Variants in TNFRSF19 observed in about 807,000 individuals in gnomAD.
TNFRSF19 encodes the protein tumor necrosis factor receptor superfamily member 19.
Under a neutral mutation model 46.4 loss-of-function variants are expected in TNFRSF19, and 27 were observed. The observed-to-expected ratio is 0.58, with a 90% confidence interval of 0.43 to 0.80. TNFRSF19 has a LOEUF of 0.80. TNFRSF19 is among the 30% of genes least tolerant of loss of function. The pLI is 0.00. For synonymous variants in TNFRSF19, 204 were observed against 205.0 expected (o/e 1.00, Z 0.04); for missense variants, 511 against 530.8 (o/e 0.96, Z 0.37).
At chr13:23,580,801 G>C (rs1447132277) in intron 1 of TNFRSF19, among the ~76,000 whole-genome samples, 1 of 152,186 alleles carries the variant, frequency 6.6e-6, no homozygotes. Flanking sequence ...ATTTTCATTT[G>C]CACAATATAG....
chr13:23,609,789 TG>T (rs1880772679), intron 3 of TNFRSF19, among the ~76,000 whole-genome samples: 1 of 152,220 alleles, frequency 6.6e-6, no homozygotes, highest in African/African-American at 2.4e-5. Flanking sequence ...AAAATTAATT[TG>T]TAAGCATAAA....
intron 5 of TNFRSF19, among the ~76,000 whole-genome samples, chr13:23,639,865 T>G (rs1466793528): frequency 6.6e-6 from 1 of 152,252 alleles, no homozygotes; most frequent in East Asian, 1.9e-4. Context: ...AATTGTTCTT[T>G]ATTTTTCTAG....
chr13:23,604,852 T>C (rs1243258358), intron 3 of TNFRSF19, among the ~76,000 whole-genome samples: 2 of 152,142 alleles, frequency 1.3e-5, no homozygotes, highest in African/African-American at 2.4e-5. Context: ...GACCTAACTG[T>C]AAAATGCAAA....
At position 23,616,043 on chromosome 13, in the gene TNFRSF19, A is replaced by G. The variant is rs899792732; in HGVS notation, c.357A>G (p.Pro119=). Residue 119 remains proline (P), a splice_region_variant and synonymous_variant, in exon 4 of 10, where the codon CCA becomes CCG. Transcript: ENST00000248484. ...TSDAICGDCL[P]GFYRKTKLVG... is the part of the protein sequence containing the mutation. Reference sequence around the variant, plus strand: ...ATGCCATCTGCGGGGACTGCTTGCCAGGGTGAGTTGGCCAGTTTCTTTCAC... The same window carrying G: ...ATGCCATCTGCGGGGACTGCTTGCCGGGGTGAGTTGGCCAGTTTCTTTCAC... 3.1e-6 allele frequency: 5 copies of G among 1,588,672 alleles called. No homozygotes were observed. Among genetic ancestry groups the G allele is most frequent in the Non-Finnish European group, 3.4e-6 (4 of 1,164,584 alleles).
intron 3 of TNFRSF19, among the ~76,000 whole-genome samples, chr13:23,606,646 A>G (rs992859057): frequency 6.6e-6 from 1 of 152,226 alleles, no homozygotes; most frequent in African/African-American, 2.4e-5. Context: ...AAATGAATGA[A>G]TTTGTGTATA....
chr13:23,576,494 C>A (rs138036232), intron 1 of TNFRSF19, among the ~76,000 whole-genome samples: 1 of 152,116 alleles, frequency 6.6e-6, no homozygotes, highest in Non-Finnish European at 1.5e-5. Context: ...TGTTCAGACA[C>A]TGTCTCCAAA....
At chr13:23,587,784 T>A (rs1022215440) in intron 1 of TNFRSF19, among the ~76,000 whole-genome samples, 5 of 152,218 alleles carry the variant, frequency 3.3e-5, no homozygotes, top group African/African-American at 1.2e-4. Flanking sequence ...TGGGGATAAA[T>A]GTCTACTTTA....
intron 3 of TNFRSF19, among the ~76,000 whole-genome samples, chr13:23,599,201 CAT>C (rs748478730): frequency 3.9e-5 from 6 of 152,164 alleles, no homozygotes; most frequent in Non-Finnish European, 7.3e-5. Context: ...TACTTTCAGA[CAT>C]AGATTTTTCT....
intron 5 of TNFRSF19, among the ~76,000 whole-genome samples, chr13:23,640,735 C>A (rs1202414589): frequency 1.3e-5 from 2 of 152,158 alleles, no homozygotes; most frequent in Non-Finnish European, 2.9e-5. Context: ...CTCATATGCT[C>A]CTCTCACCAG....
chr13:23,588,074 C>G (rs1204931457), intron 1 of TNFRSF19, among the ~76,000 whole-genome samples: 1 of 152,198 alleles, frequency 6.6e-6, no homozygotes, highest in East Asian at 1.9e-4. Context: ...GCTAACAATT[C>G]TATAGCACTT....
At chr13:23,648,447 A>G (rs1182734607) in intron 5 of TNFRSF19, among the ~76,000 whole-genome samples, 3 of 152,188 alleles carry the variant, frequency 2.0e-5, no homozygotes, top group Non-Finnish European at 4.4e-5. Flanking sequence ...GTATCCTGCA[A>G]TGTTGCTGAA....
intron 5 of TNFRSF19, among the ~76,000 whole-genome samples, chr13:23,648,598 C>G (rs890347399): frequency 6.6e-6 from 1 of 152,142 alleles, no homozygotes; most frequent in South Asian, 2.1e-4. Context: ...AGTAATTTCT[C>G]TGGCTAGGAT....
intron 3 of TNFRSF19, among the ~76,000 whole-genome samples, chr13:23,594,620 G>T (rs1257946270): frequency 6.6e-6 from 1 of 152,256 alleles, no homozygotes; most frequent in African/African-American, 2.4e-5. Flanking sequence ...CCAGTGAGGG[G>T]CTTATAGATA....
At chr13:23,579,278 CGAGAGCCGCGGT>C (rs1878198023) in intron 1 of TNFRSF19, 1 of 151,824 alleles carries the variant, frequency 6.6e-6, no homozygotes, top group South Asian at 2.1e-4. Context: ...GGAGCCACGG[CGAGAGCCGCGGT>C]GAGGGCGGGG....
chr13:23,583,627 C>G (rs2138156929), intron 1 of TNFRSF19, among the ~76,000 whole-genome samples: 1 of 152,284 alleles, frequency 6.6e-6, no homozygotes, highest in Non-Finnish European at 1.5e-5. Flanking sequence ...TGTTATTTAG[C>G]AGCTCTTTGG....
intron 2 of TNFRSF19, 108 bp from the exon 3 acceptor site, chr13:23,593,237 T>C (rs2138188343): frequency 4.9e-6 from 3 of 610,440 alleles, no homozygotes; most frequent in South Asian, 2.3e-5. Flanking sequence ...TGAACTGATA[T>C]TTACATTCAG....
chr13:23,634,811 C>T (rs569558334), intron 5 of TNFRSF19, among the ~76,000 whole-genome samples: 4 of 152,286 alleles, frequency 2.6e-5, no homozygotes, highest in East Asian at 3.9e-4. Context: ...CTTGGGTTCA[C>T]GGTCTAAGGA....
At position 23,592,120 on chromosome 13, in the gene TNFRSF19, A is replaced by G. The variant is rs141170653; in HGVS notation, c.70-1225A>G. On this transcript the variant is annotated intron_variant, in intron 2 of 9. Coordinates refer to ENST00000248484, the MANE Select transcript of TNFRSF19 (RefSeq NM_148957.4). ...TTTGACCTTAAAGAGGTTGTTAGATATCTTCACAGATATTCCTGCTTCAAG... is the reference window on the plus strand; with the variant it reads ...TTTGACCTTAAAGAGGTTGTTAGATGTCTTCACAGATATTCCTGCTTCAAG... Among the ~76,000 whole-genome samples, 7 of 152,250 alleles carry G rather than the reference A, an allele frequency of 4.6e-5. 1 individual carries two copies. The East Asian group carries it at 1.4e-3, about 29-fold the overall frequency.
chr13:23,605,314 T>C (rs9510783), intron 3 of TNFRSF19, among the ~76,000 whole-genome samples: 100,669 of 152,038 alleles, frequency 0.66, 33,980 homozygotes, highest in African/African-American at 0.78. Flanking sequence ...CAGACAACAT[T>C]GAAGGCTGTT....
Sources: allele counts gnomAD v4.1 joint callset (sites outside exome capture counted in the v4.1 genomes callset), GRCh38; gene constraint gnomAD v4.1.1; transcripts MANE v1.5; gene names NCBI Gene and HGNC (gene_info 2026-07-23, HGNC 2026-07-21).